PCDH7: variants seen among roughly 807,000 people sequenced by gnomAD.
The protein encoded by PCDH7 is protocadherin-7.
PCDH7 carries 17 observed loss-of-function variants against 58.9 expected under a neutral mutation model. The observed-to-expected ratio is 0.29, with a 90% confidence interval of 0.20 to 0.43. The LOEUF (loss-of-function observed/expected upper bound fraction) is 0.43. PCDH7 is among the 20% of genes least tolerant of loss of function. The pLI, the probability that PCDH7 is intolerant of heterozygous loss-of-function variation, is 1.00. For synonymous variants in PCDH7, 664 were observed against 616.4 expected (o/e 1.08, Z -1.14); for missense variants, 1,274 against 1,441.0 (o/e 0.88, Z 1.88).
At chr4:30,845,774 T>C (rs1268262949) in intron 1 of PCDH7, among the ~76,000 whole-genome samples, 1 of 151,982 alleles carries the variant, frequency 6.6e-6, no homozygotes, top group African/African-American at 2.4e-5. Flanking sequence ...TTAAAAACTT[T>C]TAGAGACAGA....
intron 1 of PCDH7, among the ~76,000 whole-genome samples, chr4:30,811,645 GT>G (rs1727028044): frequency 3.9e-5 from 6 of 152,192 alleles, no homozygotes; most frequent in Non-Finnish European, 8.8e-5. Context: ...TTCTTTTAAA[GT>G]CAGAAGAGAA....
At chr4:30,964,051 C>T (rs1390625239) in intron 3 of PCDH7, among the ~76,000 whole-genome samples, 1 of 152,036 alleles carries the variant, frequency 6.6e-6, no homozygotes, top group Non-Finnish European at 1.5e-5. Context: ...AAAAATATTG[C>T]ATTGTCTATT....
intron 3 of PCDH7, among the ~76,000 whole-genome samples, chr4:31,089,797 A>C (rs1166762863): frequency 6.6e-6 from 1 of 152,078 alleles, no homozygotes; most frequent in East Asian, 1.9e-4. Context: ...TATTCAGAGA[A>C]CCATCAACTA....
At chr4:30,968,019 G>A (rs537414800) in intron 3 of PCDH7, among the ~76,000 whole-genome samples, 68 of 152,030 alleles carry the variant, frequency 4.5e-4, no homozygotes, top group African/African-American at 1.6e-3. Context: ...CTACTGAAAA[G>A]TGTCTCAATA....
At chr4:30,962,244 T>C (rs979144794) in intron 3 of PCDH7, among the ~76,000 whole-genome samples, 3 of 152,148 alleles carry the variant, frequency 2.0e-5, no homozygotes, top group African/African-American at 7.2e-5. Context: ...CAAATGACTC[T>C]CGAATTGATA....
intron 3 of PCDH7, among the ~76,000 whole-genome samples, chr4:30,977,019 T>G (rs1750132904): frequency 6.6e-6 from 1 of 152,200 alleles, no homozygotes; most frequent in South Asian, 2.1e-4. Flanking sequence ...ATTGAAAATA[T>G]ATGGTTATTT....
At chr4:30,971,491 G>C (rs535374941) in intron 3 of PCDH7, among the ~76,000 whole-genome samples, 1 of 152,256 alleles carries the variant, frequency 6.6e-6, no homozygotes, top group East Asian at 1.9e-4. Context: ...AATTTGATCT[G>C]TGTTTTTTAA....
chr4:30,771,729 A>C (rs983707506), intron 1 of PCDH7, among the ~76,000 whole-genome samples: 3 of 152,318 alleles, frequency 2.0e-5, no homozygotes, highest in Middle Eastern at 6.8e-3. Flanking sequence ...ATCATAAATA[A>C]ATAGGAAATT....
chr4:30,884,096 C>T (rs936580523), intron 1 of PCDH7, among the ~76,000 whole-genome samples: 2 of 152,056 alleles, frequency 1.3e-5, no homozygotes, highest in African/African-American at 4.8e-5. Flanking sequence ...TTCCTTCATT[C>T]AGAACAAATT....
intron 3 of PCDH7, among the ~76,000 whole-genome samples, chr4:31,067,408 A>C (rs1284083211): frequency 2.0e-5 from 3 of 150,184 alleles, no homozygotes; most frequent in African/African-American, 7.3e-5. Context: ...AATTGGAATT[A>C]GAAGAACCAG....
intron 3 of PCDH7, among the ~76,000 whole-genome samples, chr4:31,076,639 T>G (rs184246299): frequency 7.9e-5 from 12 of 152,314 alleles, no homozygotes; most frequent in African/African-American, 2.9e-4. Context: ...AATCCCCATA[T>G]GCCAAAAGAA....
chr4:30,725,488 A>G (rs1484274249), intron 1 of PCDH7, among the ~76,000 whole-genome samples: 1 of 152,170 alleles, frequency 6.6e-6, no homozygotes, highest in East Asian at 1.9e-4. Context: ...AAAAATACAT[A>G]TATTCTGAGG....
At chr4:30,756,864 C>T (rs1447473266) in intron 1 of PCDH7, among the ~76,000 whole-genome samples, 1 of 152,176 alleles carries the variant, frequency 6.6e-6, no homozygotes, top group African/African-American at 2.4e-5. Flanking sequence ...GCTCACTACT[C>T]TCTGGCCTAC....
At chr4:30,888,424 A>C (rs2109379996) in intron 1 of PCDH7, among the ~76,000 whole-genome samples, 1 of 152,348 alleles carries the variant, frequency 6.6e-6, no homozygotes, top group South Asian at 2.1e-4. Flanking sequence ...TTCCTCAACA[A>C]ATAAGCTGCA....
intron 1 of PCDH7, among the ~76,000 whole-genome samples, chr4:30,867,917 A>G (rs2109359543): frequency 6.6e-6 from 1 of 152,208 alleles, no homozygotes; most frequent in East Asian, 1.9e-4. Flanking sequence ...TTTTTAATAT[A>G]CATTAAAATG....
chr4:30,946,847 T>G (rs1215658048), intron 2 of PCDH7, among the ~76,000 whole-genome samples: 1 of 151,818 alleles, frequency 6.6e-6, no homozygotes, highest in Non-Finnish European at 1.5e-5. Context: ...GTAGCTGGGA[T>G]TACAGGCGCC....
At chr4:30,956,039 A>G (rs1451227964) in intron 3 of PCDH7, among the ~76,000 whole-genome samples, 1 of 118,382 alleles carries the variant, frequency 8.4e-6, no homozygotes, top group Non-Finnish European at 1.7e-5. Context: ...AAAAACAAAC[A>G]AAAAAAAAAA....
intron 3 of PCDH7, among the ~76,000 whole-genome samples, chr4:31,135,941 A>G (rs1281623146): frequency 6.6e-6 from 1 of 152,212 alleles, no homozygotes; most frequent in Non-Finnish European, 1.5e-5. Context: ...CTGCATGTCA[A>G]AAATTATTAT....
intron 1 of PCDH7, among the ~76,000 whole-genome samples, chr4:30,898,682 C>T (rs1295295211): frequency 6.6e-6 from 1 of 152,178 alleles, no homozygotes; most frequent in East Asian, 1.9e-4. Flanking sequence ...GCTCCACCTC[C>T]CGGGTTCACA....
Sources: allele counts gnomAD v4.1 joint callset (sites outside exome capture counted in the v4.1 genomes callset), GRCh38; gene constraint gnomAD v4.1.1; transcripts MANE v1.5; gene names NCBI Gene and HGNC (gene_info 2026-07-23, HGNC 2026-07-21).